The following CNTN3 variants were observed in gnomAD, a reference collection of about 807,000 sequenced individuals.
The protein encoded by CNTN3 is contactin 3, also known as contactin-3.
A neutral mutation model predicts 119.1 loss-of-function variants in CNTN3; 60 were observed. That is an observed-to-expected ratio of 0.50 (90% CI 0.41 to 0.62). The LOEUF is 0.62. CNTN3 is among the 20% of genes least tolerant of loss of function. The pLI is 0.00. For synonymous variants in CNTN3, 450 were observed against 438.7 expected (o/e 1.03, Z -0.32); for missense variants, 1,101 against 1,242.4 (o/e 0.89, Z 1.71).
intron 13 of CNTN3, among the ~76,000 whole-genome samples, chr3:74,333,373 C>A (rs1442005608): frequency 6.6e-6 from 1 of 152,230 alleles, no homozygotes; most frequent in East Asian, 1.9e-4. Flanking sequence ...CTGGCAGAGC[C>A]AGGCTCCCTG....
intron 5 of CNTN3, among the ~76,000 whole-genome samples, chr3:74,406,071 C>T (rs914974949): frequency 2.6e-5 from 4 of 151,816 alleles, no homozygotes; most frequent in Non-Finnish European, 5.9e-5. Flanking sequence ...AGTCTTTTGC[C>T]GTTATAATGC....
chr3:74,575,320 C>T (rs1704396618), intron 1 of CNTN3, among the ~76,000 whole-genome samples: 1 of 152,002 alleles, frequency 6.6e-6, no homozygotes, highest in Non-Finnish European at 1.5e-5. Context: ...GGCGTGATCT[C>T]GGCTCACTGC....
chr3:74,335,469 CTCCT>C (rs1409365930), intron 12 of CNTN3, among the ~76,000 whole-genome samples: 1 of 152,094 alleles, frequency 6.6e-6, no homozygotes, highest in Non-Finnish European at 1.5e-5. Flanking sequence ...TCATCACCAC[CTCCT>C]TCCATTTGTC....
chr3:74,333,264 G>C (rs556204442), intron 13 of CNTN3, among the ~76,000 whole-genome samples: 23 of 152,302 alleles, frequency 1.5e-4, no homozygotes, highest in African/African-American at 5.5e-4. Context: ...TTCTGTACTA[G>C]CTTCCTAAGG....
At chr3:74,507,211 G>C (rs1270674302) in intron 2 of CNTN3, among the ~76,000 whole-genome samples, 5 of 152,100 alleles carry the variant, frequency 3.3e-5, no homozygotes, top group Non-Finnish European at 7.4e-5. Context: ...AGGAAGCCAA[G>C]AGTTCAAGAC....
chr3:74,356,288 T>C (rs1029561356), intron 11 of CNTN3, among the ~76,000 whole-genome samples: 22 of 152,092 alleles, frequency 1.4e-4, no homozygotes, highest in African/African-American at 5.3e-4. Context: ...TATTTTGTTA[T>C]AGTAGCCCAA....
chr3:74,583,115 C>T (rs1394917713), intron 1 of CNTN3, among the ~76,000 whole-genome samples: 9 of 151,902 alleles, frequency 5.9e-5, no homozygotes, highest in Non-Finnish European at 1.2e-4. Context: ...TGGGGCATAG[C>T]GGCTGTCAGT....
At chr3:74,437,046 C>T (rs564538021) in intron 4 of CNTN3, among the ~76,000 whole-genome samples, 7 of 152,254 alleles carry the variant, frequency 4.6e-5, no homozygotes, top group African/African-American at 1.7e-4. Flanking sequence ...TGTTTTAAAA[C>T]AATTTTTCAT....
rs148494090 is a variant in CNTN3, at chr3:74,540,071, C to T, written c.-80-18879G>A. On this transcript the variant is annotated intron_variant, in intron 1 of 22. Transcript: ENST00000263665. Reference sequence around the variant, plus strand: ...AAGAACTGGGAAAGTGCACAGTTAGCAAAACACGTCCCTTCTTGAGGGCTG... The same window carrying T: ...AAGAACTGGGAAAGTGCACAGTTAGTAAAACACGTCCCTTCTTGAGGGCTG... Among the ~76,000 whole-genome samples, 341 of 152,216 alleles carry T rather than the reference C, an allele frequency of 2.2e-3. 4 individuals are homozygous for T. Among genetic ancestry groups the T allele is most frequent in the African/African-American group, 7.7e-3 (318 of 41,560 alleles).
chr3:74,433,938 A>G (rs1701827120), intron 4 of CNTN3, among the ~76,000 whole-genome samples: 1 of 152,054 alleles, frequency 6.6e-6, no homozygotes, highest in Admixed American at 6.6e-5. Context: ...TCATCTTTCT[A>G]TCTCTAGACT....
intron 5 of CNTN3, among the ~76,000 whole-genome samples, chr3:74,394,283 T>C (rs1469403456): frequency 2.6e-5 from 4 of 152,146 alleles, no homozygotes; most frequent in Non-Finnish European, 5.9e-5. Context: ...AAATAATATA[T>C]AGTGAGTCTC....
chr3:74,286,638 C>CA (rs1559681861), intron 19 of CNTN3, among the ~76,000 whole-genome samples: 1 of 151,930 alleles, frequency 6.6e-6, no homozygotes, highest in Non-Finnish European at 1.5e-5. Context: ...GAGGAAAAAC[C>CA]AATATTCAAA....
In CNTN3 at chr3:74,285,438, C is replaced by A; in HGVS notation, c.2571G>T (p.Val857=). The A allele has an allele frequency of 1.1e-5, 17 of 1,613,226 alleles. No individual in the cohort carries two copies. The highest frequency in any genetic ancestry group is 1.3e-5 in the African/African-American group (1 of 74,978). The change falls in exon 20 of 23, where the codon GTG becomes GTT. Residue 857 remains valine (V), a synonymous_variant. Transcript: ENST00000263665. The part of the protein sequence containing the change: ...GKEESSSKMK[V]AGNETSARLR... Reference sequence around the variant, plus strand: ...GTCTGGCTGATGTCTCATTTCCTGCCACTTTCATCTTACTGGATGATTCCT... The same window carrying A: ...GTCTGGCTGATGTCTCATTTCCTGCAACTTTCATCTTACTGGATGATTCCT...
intron 4 of CNTN3, among the ~76,000 whole-genome samples, chr3:74,481,466 CAT>C (rs759162457): frequency 3.4e-4 from 52 of 151,780 alleles, no homozygotes; most frequent in Admixed American, 7.9e-4. Flanking sequence ...TAAAACTCCA[CAT>C]GTTTGGAAAT....
chr3:74,476,095 A>G (rs1272536092), intron 4 of CNTN3, among the ~76,000 whole-genome samples: 1 of 152,178 alleles, frequency 6.6e-6, no homozygotes, highest in Admixed American at 6.5e-5. Context: ...GCTAAGCTTC[A>G]TTCAGGTATG....
chr3:74,285,798 T>G (rs1391361111), intron 19 of CNTN3, among the ~76,000 whole-genome samples: 11 of 64,920 alleles, frequency 1.7e-4, no homozygotes, highest in African/African-American at 1.2e-3. Flanking sequence ...GAGATATATA[T>G]ATATATATAT....
chr3:74,454,372 TC>T (rs1702221445), intron 4 of CNTN3, among the ~76,000 whole-genome samples: 1 of 147,658 alleles, frequency 6.8e-6, no homozygotes, highest in Non-Finnish European at 1.5e-5. Flanking sequence ...TGGTAGATCT[TC>T]CTCCATCCTT....
intron 4 of CNTN3, among the ~76,000 whole-genome samples, chr3:74,485,147 A>G (rs1349965828): frequency 6.6e-6 from 1 of 151,930 alleles, no homozygotes; most frequent in Non-Finnish European, 1.5e-5. Context: ...ATATATATAT[A>G]TTCCTATATA....
At chr3:74,487,557 A>G (rs952363272) in intron 3 of CNTN3, among the ~76,000 whole-genome samples, 2 of 152,184 alleles carry the variant, frequency 1.3e-5, no homozygotes, top group East Asian at 3.8e-4. Flanking sequence ...ATAGATAATG[A>G]TTTTAATAAA....
Sources: gnomAD v4.1 joint callset for allele counts (sites outside exome capture counted in the v4.1 genomes callset) on GRCh38, gnomAD v4.1.1 for gene constraint, MANE v1.5 for transcripts, NCBI Gene and HGNC (gene_info 2026-07-23, HGNC 2026-07-21) for gene names.